The following PRKN variants were observed in gnomAD, a reference collection of about 807,000 sequenced individuals.
PRKN encodes the protein E3 ubiquitin-protein ligase parkin.
A neutral mutation model predicts 59.5 loss-of-function variants in PRKN; 56 were observed. The observed-to-expected ratio is 0.94, with a 90% CI of 0.76 to 1.18. The LOEUF (loss-of-function observed/expected upper bound fraction) is 1.18, where lower values mean the gene tolerates loss of function less well. Among genes scored for constraint, PRKN ranks in the 50% most tolerant of loss-of-function variants. PRKN has a pLI of 0.00. For missense variants in PRKN, 657 were observed against 596.4 expected, an observed-to-expected ratio of 1.10 and a Z score of -1.06; for synonymous variants, 250 against 222.1, an observed-to-expected ratio of 1.13 and a Z score of -1.12.
At chr6:162,556,642 G>A (rs2128205314) in intron 1 of PRKN, among the ~76,000 whole-genome samples, 1 of 151,344 alleles carries the variant, frequency 6.6e-6, no homozygotes, top group East Asian at 2.0e-4. Flanking sequence ...AGCTACTCAG[G>A]AGGCTGAGGC....
intron 9 of PRKN, among the ~76,000 whole-genome samples, chr6:161,513,637 G>A (rs565491840): frequency 6.6e-6 from 1 of 151,838 alleles, no homozygotes; most frequent in South Asian, 2.1e-4. Context: ...ACTACATGAA[G>A]GAACCCGAAG....
At chr6:161,791,766 TA>T (rs1480899052) in intron 6 of PRKN, among the ~76,000 whole-genome samples, 1 of 152,200 alleles carries the variant, frequency 6.6e-6, no homozygotes, top group East Asian at 1.9e-4. Flanking sequence ...AGAGATAGGA[TA>T]TATTGCCACG....
intron 7 of PRKN, among the ~76,000 whole-genome samples, chr6:161,663,301 C>T (rs1784613532): frequency 6.6e-6 from 1 of 152,174 alleles, no homozygotes; most frequent in Admixed American, 6.5e-5. Flanking sequence ...CTAGCTCTGA[C>T]ACCGGACCTT....
At chr6:161,808,697 C>A (rs1052781442) in intron 6 of PRKN, among the ~76,000 whole-genome samples, 5 of 150,906 alleles carry the variant, frequency 3.3e-5, no homozygotes, top group Non-Finnish European at 1.5e-5. Context: ...AATACACTCT[C>A]CAATTTTCAA....
chr6:162,454,418 A>G (rs1046361379), intron 1 of PRKN, among the ~76,000 whole-genome samples: 3 of 152,236 alleles, frequency 2.0e-5, no homozygotes, highest in African/African-American at 4.8e-5. Context: ...TTTTACAGAC[A>G]TTATCTCAGT....
At chr6:161,817,885 G>A (rs1791857314) in intron 6 of PRKN, among the ~76,000 whole-genome samples, 1 of 152,120 alleles carries the variant, frequency 6.6e-6, no homozygotes, top group South Asian at 2.1e-4. Flanking sequence ...AAATAAGGAG[G>A]CAGAATAATC....
At chr6:162,269,110 C>A (rs138288134) in intron 2 of PRKN, among the ~76,000 whole-genome samples, 1 of 152,154 alleles carries the variant, frequency 6.6e-6, no homozygotes, top group Non-Finnish European at 1.5e-5. Flanking sequence ...ACACACCTCG[C>A]AGACTCCGGA....
At chr6:162,342,543 TAGTA>T (rs889063832) in intron 2 of PRKN, among the ~76,000 whole-genome samples, 5 of 152,308 alleles carry the variant, frequency 3.3e-5, no homozygotes, top group East Asian at 3.9e-4. Flanking sequence ...AAAGTTTACA[TAGTA>T]AGTAAGTGGT....
chr6:161,846,195 T>C (rs936828084), intron 6 of PRKN, among the ~76,000 whole-genome samples: 4 of 152,060 alleles, frequency 2.6e-5, no homozygotes, highest in Non-Finnish European at 4.4e-5. Context: ...CTAATGCGGG[T>C]TCTAATATAG....
intron 1 of PRKN, 41 bp downstream of exon 1, chr6:162,727,621 G>T: frequency 6.4e-7 from 1 of 1,571,736 alleles, no homozygotes; most frequent in South Asian, 1.2e-5. Flanking sequence ...CCGGGGCGTG[G>T]GGCGGCGCAG....
chr6:162,710,068 G>A (rs1458148402), intron 1 of PRKN, among the ~76,000 whole-genome samples: 4 of 152,154 alleles, frequency 2.6e-5, no homozygotes, highest in Non-Finnish European at 5.9e-5. Flanking sequence ...CAATGTGGGT[G>A]TGGCTGCTGA....
At chr6:162,693,507 G>A (rs779072589) in intron 1 of PRKN, among the ~76,000 whole-genome samples, 7 of 152,156 alleles carry the variant, frequency 4.6e-5, no homozygotes, top group Non-Finnish European at 1.0e-4. Flanking sequence ...ATGTGAGGGC[G>A]GGGACAGCAT....
chr6:162,100,901 T>C (rs1408010203), intron 4 of PRKN, among the ~76,000 whole-genome samples: 5 of 152,202 alleles, frequency 3.3e-5, no homozygotes, highest in Non-Finnish European at 5.9e-5. Flanking sequence ...GTTTATTCTG[T>C]TTCTTTACCC....
chr6:161,885,435 C>T (rs1026259478), intron 6 of PRKN, among the ~76,000 whole-genome samples: 102 of 152,144 alleles, frequency 6.7e-4, no homozygotes, highest in Admixed American at 3.7e-3. Context: ...GAGGCCGAGG[C>T]GGGCAGATCA....
chr6:161,424,772 T>G (rs761557395), intron 9 of PRKN, among the ~76,000 whole-genome samples: 1 of 152,148 alleles, frequency 6.6e-6, no homozygotes, highest in Non-Finnish European at 1.5e-5. Flanking sequence ...AATCAAAGTA[T>G]CAAAGGAATT....
chr6:161,934,483 G>A (rs2128241570), intron 6 of PRKN, among the ~76,000 whole-genome samples: 1 of 152,236 alleles, frequency 6.6e-6, no homozygotes, highest in Middle Eastern at 3.4e-3. Context: ...ATTAGGCCTT[G>A]ACCCACAATA....
In PRKN at chr6:161,352,769, A is replaced by ATATATATTTTTT. The variant is rs1398780449; in HGVS notation, c.1286-2559_1286-2558insAAAAAATATATA. Among the ~76,000 whole-genome samples, 1 of 119,448 alleles carries ATATATATTTTTT rather than the reference A, an allele frequency of 8.4e-6. No individual in the cohort carries two copies. Among genetic ancestry groups the ATATATATTTTTT allele is most frequent in the East Asian group, 2.1e-4 (1 of 4,854 alleles). The allele number at this position is 119,448 out of a possible 152,430, so 78.4% of individuals were successfully genotyped here. A position where few individuals can be genotyped will look rare whatever the true frequency, so the allele number is the denominator to read the frequency against. ...TGTGTGTGTGTGTATATATATATAT[A>ATATATATTTTTT]TATTTTATTTTATTTTATTTTATTT... On this transcript the variant is annotated intron_variant, in intron 11 of 11. Transcript: ENST00000366898. This position sits in a 1 kb window ranked among gnomAD's most constrained non-coding sequence, Gnocchi z 5.8.
intron 5 of PRKN, among the ~76,000 whole-genome samples, chr6:162,027,689 T>G (rs924297642): frequency 1.3e-5 from 2 of 152,116 alleles, no homozygotes; most frequent in African/African-American, 2.4e-5. Context: ...CTCTGCAATG[T>G]TTTAATACAT....
chr6:162,532,480 A>G (rs1778554685), intron 1 of PRKN, among the ~76,000 whole-genome samples: 1 of 152,136 alleles, frequency 6.6e-6, no homozygotes, highest in Non-Finnish European at 1.5e-5. Flanking sequence ...TTTTGTGCTC[A>G]GGTTTGATAT....
Sources: allele counts gnomAD v4.1 joint callset (sites outside exome capture counted in the v4.1 genomes callset), GRCh38; gene constraint gnomAD v4.1.1; non-coding constraint Gnocchi (gnomAD v3.1); transcripts MANE v1.5; gene names NCBI Gene and HGNC (gene_info 2026-07-23, HGNC 2026-07-21).